SLIT3: variants seen among roughly 807,000 people sequenced by gnomAD.
SLIT3 encodes slit homolog 3 protein.
Under a neutral mutation model 184.0 loss-of-function variants are expected in SLIT3, and 68 were observed. That is an observed-to-expected ratio of 0.37 (90% CI 0.30 to 0.45). The LOEUF (loss-of-function observed/expected upper bound fraction) is 0.45. Among genes scored for constraint, SLIT3 ranks in the 20% least tolerant of loss-of-function variants. SLIT3 has a pLI of 1.00. For missense variants in SLIT3, 1,707 were observed against 2,026.0 expected (o/e 0.84, Z 3.02); for synonymous variants, 831 against 828.6 (o/e 1.00, Z -0.05).
rs564644399 is a variant in SLIT3 at position 168,794,196 on chromosome 5, G to A, written c.1007+1311C>T. On this transcript the variant is annotated intron_variant, in intron 10 of 35. Transcript: ENST00000519560. The stretch of plus-strand genomic sequence containing the variant: ...TCGTGTGGAAGGAAGAAGCAGGACC[G>A]AGTCCATGCATATTTCTACCTGACT... Among the ~76,000 whole-genome samples, 14 of 152,286 alleles carry A rather than the reference G, an allele frequency of 9.2e-5. 1 individual carries two copies. The highest frequency in any genetic ancestry group is 2.9e-4 in the African/African-American group (12 of 41,568).
At chr5:168,694,189 A>G (rs1426018181) in intron 28 of SLIT3, among the ~76,000 whole-genome samples, 3 of 152,106 alleles carry the variant, frequency 2.0e-5, no homozygotes, top group South Asian at 2.1e-4. Context: ...CACTTCATCA[A>G]TGCCTCCTCA....
chr5:169,225,217 G>C (rs1458789281), intron 3 of SLIT3, among the ~76,000 whole-genome samples: 1 of 152,194 alleles, frequency 6.6e-6, no homozygotes, highest in Non-Finnish European at 1.5e-5. Flanking sequence ...GTCCATCACT[G>C]GGACAGGGGT....
intron 4 of SLIT3, among the ~76,000 whole-genome samples, chr5:169,084,139 C>T (rs1210314350): frequency 6.6e-6 from 1 of 152,122 alleles, no homozygotes; most frequent in Non-Finnish European, 1.5e-5. Flanking sequence ...GACTCCTAGA[C>T]AATACAGTAC....
At chr5:169,014,827 T>C (rs997295519) in intron 4 of SLIT3, among the ~76,000 whole-genome samples, 3 of 152,212 alleles carry the variant, frequency 2.0e-5, no homozygotes, top group African/African-American at 7.2e-5. Flanking sequence ...GGCACATGCC[T>C]GTAGTCTCAG....
intron 4 of SLIT3, among the ~76,000 whole-genome samples, chr5:169,157,035 G>C (rs936127185): frequency 1.3e-5 from 2 of 151,740 alleles, no homozygotes; most frequent in Non-Finnish European, 2.9e-5. Context: ...AAAAAAATCT[G>C]GCCCCCCCCA....
In SLIT3 at chr5:168,942,000, G is replaced by A. The variant is rs998318464; in HGVS notation, c.414-58664C>T. 6.6e-5 allele frequency among the ~76,000 whole-genome samples: 10 copies of A among 152,144 alleles called. No individual in the cohort carries two copies. The South Asian group carries it at 8.3e-4, about 13-fold the overall frequency. On this transcript the variant is annotated intron_variant, in intron 4 of 35. Coordinates refer to ENST00000519560, the MANE Select transcript of SLIT3 (RefSeq NM_003062.4). ...CACCTTTCCTCCAGCCACCACATCT[G>A]CATCTTTTTCAGTGTTGCTGTTCGG...
intron 6 of SLIT3, among the ~76,000 whole-genome samples, chr5:168,835,387 T>C (rs1405521799): frequency 1.3e-5 from 2 of 152,156 alleles, no homozygotes; most frequent in Admixed American, 1.3e-4. Flanking sequence ...CTAGAGCTTT[T>C]TGACAATGAG....
chr5:168,959,999 A>G (rs1762951456), intron 4 of SLIT3, among the ~76,000 whole-genome samples: 1 of 152,228 alleles, frequency 6.6e-6, no homozygotes, highest in African/African-American at 2.4e-5. Context: ...AGTAAGAGGC[A>G]GAGCCAGGAA....
chr5:168,814,613 C>T (rs1757271825), intron 8 of SLIT3, among the ~76,000 whole-genome samples: 2 of 152,182 alleles, frequency 1.3e-5, no homozygotes, highest in Non-Finnish European at 2.9e-5. Flanking sequence ...TTCAACTGCA[C>T]ACTCACAGAC....
intron 4 of SLIT3, among the ~76,000 whole-genome samples, chr5:168,897,647 T>TGCGCGCACACACACACAC (rs3223457): frequency 4.2e-5 from 6 of 141,414 alleles, no homozygotes; most frequent in African/African-American, 1.6e-4. Context: ...CAGGTGCACG[T>TGCGCGCACACACACACAC]ACACACACAC....
intron 4 of SLIT3, among the ~76,000 whole-genome samples, chr5:169,137,523 C>A (rs924198773): frequency 1.3e-5 from 2 of 152,058 alleles, no homozygotes; most frequent in Non-Finnish European, 2.9e-5. Flanking sequence ...CTCTGCTCAG[C>A]TCCTGGCCAG....
chr5:168,728,729 C>T (rs978906828), intron 20 of SLIT3, among the ~76,000 whole-genome samples: 5 of 151,830 alleles, frequency 3.3e-5, no homozygotes, highest in East Asian at 1.9e-4. Flanking sequence ...GACCAGCCTG[C>T]GCAACATAGT....
At chr5:168,687,492 G>A (rs571454563) in intron 29 of SLIT3, among the ~76,000 whole-genome samples, 1 of 152,262 alleles carries the variant, frequency 6.6e-6, no homozygotes, top group South Asian at 2.1e-4. Flanking sequence ...GTAAGGGAGG[G>A]TCTACCATAC....
intron 2 of SLIT3, among the ~76,000 whole-genome samples, chr5:169,247,334 A>G (rs890603737): frequency 6.6e-6 from 1 of 152,132 alleles, no homozygotes; most frequent in East Asian, 1.9e-4. Context: ...ATAGGGTCCC[A>G]CTTCAACACT....
In SLIT3 at chr5:169,155,367, T is replaced by C. The variant is rs145833582; in HGVS notation, c.413+38112A>G. 2.0e-5 allele frequency among the ~76,000 whole-genome samples: 3 copies of C among 152,280 alleles called. No homozygotes were observed. The East Asian group carries it at 5.8e-4, about 29-fold the overall frequency. On this transcript the variant is annotated intron_variant, in intron 4 of 35. Transcript: ENST00000519560. ...ATCCAAACCTTTTTCCTGGCCTAAG[T>C]CACATTTACATAATGCAACATCATG...
chr5:169,129,026 G>A (rs754431382), intron 4 of SLIT3, among the ~76,000 whole-genome samples: 1 of 152,138 alleles, frequency 6.6e-6, no homozygotes, highest in Admixed American at 6.5e-5. Flanking sequence ...AAGACACTTG[G>A]AATTGGACTT....
chr5:169,085,673 T>TGC (rs2113180288), intron 4 of SLIT3, among the ~76,000 whole-genome samples: 1 of 152,336 alleles, frequency 6.6e-6, no homozygotes, highest in East Asian at 1.9e-4. Context: ...CAACACAGCC[T>TGC]GCCCCAGCTC....
chr5:169,263,510 C>T (rs540198996), intron 1 of SLIT3: 197 of 407,222 alleles, frequency 4.8e-4, no homozygotes, highest in Non-Finnish European at 7.5e-4. Context: ...TCAGAAGGAG[C>T]CTGGCCCTGA....
intron 27 of SLIT3, among the ~76,000 whole-genome samples, 181 bp downstream of exon 27, chr5:168,700,401 C>T (rs1266852933): frequency 1.3e-5 from 2 of 152,208 alleles, no homozygotes; most frequent in Non-Finnish European, 2.9e-5. Context: ...TTTTGCCTCC[C>T]GCCATTTAAG....
Sources: gnomAD v4.1 joint callset for allele counts (sites outside exome capture counted in the v4.1 genomes callset) on GRCh38, gnomAD v4.1.1 for gene constraint, MANE v1.5 for transcripts, NCBI Gene and HGNC (gene_info 2026-07-23, HGNC 2026-07-21) for gene names.